SHC3: variants seen among roughly 807,000 people sequenced by gnomAD.
SHC3 encodes the protein SHC adaptor protein 3, also known as SHC-transforming protein 3.
Under a neutral mutation model 60.4 loss-of-function variants are expected in SHC3, and 15 were observed. That is an observed-to-expected ratio of 0.25 (90% CI 0.17 to 0.38). The LOEUF is 0.38. SHC3 is among the 10% of genes least tolerant of loss of function. The probability of loss-of-function intolerance (pLI) is 1.00; values close to 1 mark genes in which losing one functional copy is unlikely to be tolerated. For missense variants in SHC3, 677 were observed against 786.1 expected (o/e 0.86, Z 1.66); for synonymous variants, 294 against 325.9 (o/e 0.90, Z 1.05).
intron 1 of SHC3, among the ~76,000 whole-genome samples, chr9:89,166,071 C>T (rs1338048082): frequency 2.6e-5 from 4 of 152,188 alleles, no homozygotes; most frequent in African/African-American, 4.8e-5. Context: ...ACTCCAGCCA[C>T]GCAGGCGCAC....
chr9:89,170,207 C>A (rs933882141), intron 1 of SHC3, among the ~76,000 whole-genome samples: 4 of 152,194 alleles, frequency 2.6e-5, no homozygotes, highest in Non-Finnish European at 5.9e-5. Context: ...AGCACAGGGG[C>A]ACATCCAGGA....
intron 1 of SHC3, among the ~76,000 whole-genome samples, chr9:89,172,163 G>A (rs1199349442): frequency 6.6e-6 from 1 of 152,224 alleles, no homozygotes; most frequent in Non-Finnish European, 1.5e-5. Flanking sequence ...TATCTCACTG[G>A]GGTTCAAATG....
intron 2 of SHC3, among the ~76,000 whole-genome samples, chr9:89,105,541 A>T (rs1249990335): frequency 6.6e-6 from 1 of 152,184 alleles, no homozygotes; most frequent in Non-Finnish European, 1.5e-5. Flanking sequence ...CTACTTATGT[A>T]TATGTTTGTG....
chr9:89,055,046 A>T (rs957335110), intron 6 of SHC3, among the ~76,000 whole-genome samples: 2 of 152,264 alleles, frequency 1.3e-5, no homozygotes, highest in African/African-American at 2.4e-5. Flanking sequence ...ACTTGAAAGC[A>T]AACCACTCCC....
intron 2 of SHC3, among the ~76,000 whole-genome samples, chr9:89,081,667 C>T (rs1056874938): frequency 3.3e-5 from 5 of 152,282 alleles, no homozygotes; most frequent in African/African-American, 1.2e-4. Flanking sequence ...CCTCCCTGGG[C>T]TGGATGGAGC....
chr9:89,158,170 T>C (rs1398928192), intron 1 of SHC3, among the ~76,000 whole-genome samples: 2 of 152,020 alleles, frequency 1.3e-5, no homozygotes, highest in Non-Finnish European at 2.9e-5. Context: ...GCACTGTTGC[T>C]ATGTCCCATA....
intron 1 of SHC3, among the ~76,000 whole-genome samples, chr9:89,124,066 C>T (rs983821307): frequency 6.6e-6 from 1 of 151,802 alleles, no homozygotes; most frequent in African/African-American, 2.4e-5. Context: ...TCCTGCATTG[C>T]CAGCAAACAT....
intron 2 of SHC3, among the ~76,000 whole-genome samples, chr9:89,085,986 G>A (rs749232759): frequency 1.3e-5 from 2 of 152,154 alleles, no homozygotes; most frequent in Non-Finnish European, 2.9e-5. Context: ...ACAACCAAAC[G>A]TGCAGTGGGG....
chr9:89,095,345 G>A (rs567340642), intron 2 of SHC3, among the ~76,000 whole-genome samples: 32 of 152,208 alleles, frequency 2.1e-4, no homozygotes, highest in Non-Finnish European at 2.5e-4. Flanking sequence ...ACAGAAATAA[G>A]TCAGTCACAA....
In SHC3 at chr9:89,006,581, CAT is replaced by C. The variant is rs1439029179; in HGVS notation, c.*6864_*6865del. On this transcript the variant is annotated 3_prime_UTR_variant, in exon 12 of 12. Transcript: ENST00000375835. ...AACAAAACAACTTTCAGATAATATTCATTTGTCAGTATGTATAATTTGCCATC... is the reference window on the plus strand; with the variant it reads ...AACAAAACAACTTTCAGATAATATTCTTGTCAGTATGTATAATTTGCCATC... 1 of 152,228 alleles carries C rather than the reference CAT, an allele frequency of 6.6e-6. No homozygotes were observed. Among genetic ancestry groups the C allele is most frequent in the African/African-American group, 2.4e-5 (1 of 41,462 alleles). 9.4% of individuals were successfully genotyped at this position (152,228 alleles called of 1,614,324 possible).
intron 1 of SHC3, among the ~76,000 whole-genome samples, chr9:89,139,778 C>T (rs183925482): frequency 7.9e-5 from 12 of 152,312 alleles, no homozygotes; most frequent in African/African-American, 2.9e-4. Context: ...GGTAAAATTA[C>T]CAGTTTCTCC....
At chr9:89,160,615 G>C (rs996962318) in intron 1 of SHC3, among the ~76,000 whole-genome samples, 1 of 152,170 alleles carries the variant, frequency 6.6e-6, no homozygotes, top group Non-Finnish European at 1.5e-5. Context: ...GCAAGTGAAA[G>C]TGTTAAGGAG....
chr9:89,113,189 A>G (rs1012027042), intron 1 of SHC3, among the ~76,000 whole-genome samples: 7 of 152,248 alleles, frequency 4.6e-5, no homozygotes, highest in Admixed American at 3.3e-4. Context: ...CTTCTGCATG[A>G]TCATAAATTT....
chr9:89,024,908 G>A (rs1429344098), intron 11 of SHC3, among the ~76,000 whole-genome samples: 1 of 152,196 alleles, frequency 6.6e-6, no homozygotes, highest in Non-Finnish European at 1.5e-5. Context: ...TATGAGAAGA[G>A]AGGTGTGGTG....
intron 1 of SHC3, among the ~76,000 whole-genome samples, chr9:89,123,709 C>T (rs184299692): frequency 1.3e-5 from 2 of 152,296 alleles, no homozygotes; most frequent in Admixed American, 1.3e-4. Flanking sequence ...TCTCAGCCAC[C>T]AAACTTTCCT....
chr9:89,066,709 G>A (rs565497164), intron 5 of SHC3, among the ~76,000 whole-genome samples: 1 of 152,314 alleles, frequency 6.6e-6, no homozygotes, highest in Admixed American at 6.5e-5. Context: ...GGGCTTCCAG[G>A]TTATTGATAC....
At chr9:89,029,570 A>C (rs1292828682) in intron 11 of SHC3, among the ~76,000 whole-genome samples, 1 of 152,166 alleles carries the variant, frequency 6.6e-6, no homozygotes. Context: ...GAAAGCCAAG[A>C]AAGAGGAAGA....
At chr9:89,107,738 G>A (rs1273085540) in intron 2 of SHC3, among the ~76,000 whole-genome samples, 1 of 152,174 alleles carries the variant, frequency 6.6e-6, no homozygotes, top group African/African-American at 2.4e-5. Context: ...TGGGGGTGGG[G>A]TGGGGTGGTA....
chr9:89,050,661 A>T (rs1417114586), intron 7 of SHC3, among the ~76,000 whole-genome samples: 4 of 152,080 alleles, frequency 2.6e-5, no homozygotes, highest in Non-Finnish European at 5.9e-5. Context: ...TGTTTTCAAA[A>T]TTTTCATAAA....
Sources: gnomAD v4.1 joint callset for allele counts (sites outside exome capture counted in the v4.1 genomes callset) on GRCh38, gnomAD v4.1.1 for gene constraint, MANE v1.5 for transcripts, NCBI Gene and HGNC (gene_info 2026-07-23, HGNC 2026-07-21) for gene names.